Variants in TDRD7 observed in about 807,000 individuals in gnomAD.
TDRD7 encodes the protein tudor domain-containing protein 7.
In TDRD7, 47 loss-of-function variants were observed where a neutral mutation model predicts 109.8. The ratio of observed to expected loss-of-function variants is 0.43; its 90% CI spans 0.34 to 0.55. The LOEUF (loss-of-function observed/expected upper bound fraction) is 0.55, where lower values mean the gene tolerates loss of function less well. TDRD7 is among the 20% of genes least tolerant of loss of function. The probability of loss-of-function intolerance (pLI) is 0.03; values close to 1 mark genes in which losing one functional copy is unlikely to be tolerated. For missense variants in TDRD7, 1,164 were observed against 1,319.2 expected (o/e 0.88, Z 1.82); for synonymous variants, 424 against 457.3 (o/e 0.93, Z 0.93).
chr9:97,417,855 G>A (rs1827836179), intron 1 of TDRD7, among the ~76,000 whole-genome samples: 1 of 152,180 alleles, frequency 6.6e-6, no homozygotes. Flanking sequence ...GGCCAGGCAC[G>A]GTGGCTCACA....
At chr9:97,452,366 T>C (rs1828512867) in intron 6 of TDRD7, among the ~76,000 whole-genome samples, 1 of 152,246 alleles carries the variant, frequency 6.6e-6, no homozygotes, top group Non-Finnish European at 1.5e-5. Flanking sequence ...TCAGGTTCGG[T>C]GCCTTGTTAG....
At chr9:97,426,118 G>A (rs1827990202) in intron 1 of TDRD7, among the ~76,000 whole-genome samples, 2 of 152,192 alleles carry the variant, frequency 1.3e-5, no homozygotes, top group Admixed American at 1.3e-4. Flanking sequence ...TGGCAGGACT[G>A]GAAGTTACTC....
chr9:97,495,035 T>C (rs975880785), intron 16 of TDRD7, among the ~76,000 whole-genome samples: 8 of 152,132 alleles, frequency 5.3e-5, no homozygotes, highest in Non-Finnish European at 8.8e-5. Context: ...TGTCCCAGTT[T>C]TGTTTTAAAA....
At chr9:97,487,576 G>GTA (rs1251820362) in intron 16 of TDRD7, among the ~76,000 whole-genome samples, 5 of 151,866 alleles carry the variant, frequency 3.3e-5, no homozygotes, top group Non-Finnish European at 5.9e-5. Flanking sequence ...TCAAGCATGA[G>GTA]TATATTTCTA....
At chr9:97,466,641 G>A (rs1342829723) in intron 8 of TDRD7, among the ~76,000 whole-genome samples, 1 of 152,182 alleles carries the variant, frequency 6.6e-6, no homozygotes, top group Non-Finnish European at 1.5e-5. Context: ...GATATAAATA[G>A]TTTCATGGAC....
intron 16 of TDRD7, among the ~76,000 whole-genome samples, chr9:97,491,203 A>T (rs1829304196): frequency 6.6e-6 from 1 of 152,160 alleles, no homozygotes; most frequent in Non-Finnish European, 1.5e-5. Context: ...AAGTGCTGGG[A>T]TTACAGGTGT....
intron 16 of TDRD7, among the ~76,000 whole-genome samples, chr9:97,493,216 G>A (rs989251577): frequency 5.9e-5 from 9 of 152,014 alleles, no homozygotes; most frequent in East Asian, 1.9e-4. Context: ...GCCAGATATC[G>A]GGTAAAATTC....
chr9:97,446,833 G>C lies in TDRD7; in HGVS notation c.855+4958G>C, dbSNP rs187644788. Among the ~76,000 whole-genome samples the C allele has an allele frequency of 4.6e-5, 7 of 152,218 alleles. No homozygotes were observed. In the East Asian group the frequency reaches 1.4e-3, roughly 29 times the overall value. On this transcript the variant is annotated intron_variant, in intron 6 of 16. Coordinates refer to ENST00000355295, the MANE Select transcript of TDRD7 (RefSeq NM_014290.3). ...TTTTAAAAAGCCTGGAACTTCTGGG[G>C]TAAAACCAAAACAACTTGGATTTCT...
At chr9:97,427,056 G>T (rs1187875617) in intron 1 of TDRD7, among the ~76,000 whole-genome samples, 1 of 152,158 alleles carries the variant, frequency 6.6e-6, no homozygotes, top group Non-Finnish European at 1.5e-5. Flanking sequence ...TGTGGACATT[G>T]CAATAATATA....
intron 13 of TDRD7, among the ~76,000 whole-genome samples, chr9:97,479,178 C>G (rs1028764008): frequency 6.6e-6 from 1 of 152,016 alleles, no homozygotes; most frequent in Non-Finnish European, 1.5e-5. Flanking sequence ...TCAAGATGCC[C>G]AGTTACTAAT....
intron 1 of TDRD7, among the ~76,000 whole-genome samples, chr9:97,427,622 C>G (rs146052876): frequency 3.9e-5 from 6 of 152,326 alleles, no homozygotes; most frequent in Middle Eastern, 3.4e-3. Context: ...TCTTGCAAAC[C>G]TGCCTTTATC....
intron 1 of TDRD7, among the ~76,000 whole-genome samples, chr9:97,420,012 A>G (rs1393276344): frequency 2.0e-5 from 3 of 152,214 alleles, no homozygotes; most frequent in Non-Finnish European, 2.9e-5. Context: ...TAGAAAAGCC[A>G]TTTCTCAGAA....
At chr9:97,454,197 T>C (rs895904348) in intron 6 of TDRD7, among the ~76,000 whole-genome samples, 1 of 152,194 alleles carries the variant, frequency 6.6e-6, no homozygotes, top group Non-Finnish European at 1.5e-5. Flanking sequence ...AAAAACAGTC[T>C]CGGCTGGGTG....
chr9:97,461,123 A>G (rs1828715519), intron 7 of TDRD7, among the ~76,000 whole-genome samples: 1 of 151,920 alleles, frequency 6.6e-6, no homozygotes, highest in African/African-American at 2.4e-5. Flanking sequence ...CCTGGGCGAA[A>G]GAGCAAGACT....
At chr9:97,479,150 A>G (rs1283192801) in intron 13 of TDRD7, among the ~76,000 whole-genome samples, 1 of 152,156 alleles carries the variant, frequency 6.6e-6, no homozygotes, top group East Asian at 1.9e-4. Context: ...AAATAAAACA[A>G]TGCGGTATTC....
chr9:97,495,671 T>C lies in TDRD7; in HGVS notation c.3085T>C (p.Cys1029Arg), dbSNP rs776277700. Residue 1029 changes from cysteine (C) to arginine (R), a missense_variant, in exon 17 of 17, where the codon TGC becomes CGC. Physicochemically the swap from Cys to Arg is radical, Grantham distance 180 (BLOSUM62 -3). This residue lies in a region of TDRD7 where 162 missense variants were observed against 222.5 expected (regional missense o/e 0.73). Coordinates refer to ENST00000355295, the MANE Select transcript of TDRD7 (RefSeq NM_014290.3). Reference protein sequence around the residue: ...AVTAQLAGVKCNQWSEEASMV... With the variant: ...AVTAQLAGVKRNQWSEEASMV... ...TCCTCTCTTCCTCCTAGGAGTGAAG[T>C]GCAACCAGTGGTCTGAGGAGGCTTC... is the stretch of plus-strand genomic sequence containing the variant. 2 of 1,614,098 alleles carry C rather than the reference T, an allele frequency of 1.2e-6. No homozygotes were observed. Among genetic ancestry groups the C allele is most frequent in the Non-Finnish European group, 1.7e-6 (2 of 1,179,998 alleles).
chr9:97,480,770 C>A (rs1387144569), intron 13 of TDRD7, 58 bp from the exon 14 acceptor site: 2 of 1,328,642 alleles, frequency 1.5e-6, no homozygotes, highest in Non-Finnish European at 2.2e-6. Flanking sequence ...ATTAACATTA[C>A]TCATAACTAG....
chr9:97,475,029 C>T (rs1005230118), intron 11 of TDRD7, among the ~76,000 whole-genome samples: 3 of 152,176 alleles, frequency 2.0e-5, no homozygotes, highest in Admixed American at 6.5e-5. Context: ...AGACAGCTCT[C>T]GCAACCTCCT....
intron 1 of TDRD7, among the ~76,000 whole-genome samples, chr9:97,415,633 G>A (rs1827798605): frequency 6.6e-6 from 1 of 152,074 alleles, no homozygotes; most frequent in Non-Finnish European, 1.5e-5. Flanking sequence ...CTGGGTATAA[G>A]CGAAGAAAAA....
Sources: allele counts gnomAD v4.1 joint callset (sites outside exome capture counted in the v4.1 genomes callset), GRCh38; gene constraint gnomAD v4.1.1; regional missense constraint gnomAD v4.1.1; transcripts MANE v1.5; gene names NCBI Gene and HGNC (gene_info 2026-07-23, HGNC 2026-07-21).